The following ZBTB20 variants were observed in gnomAD, a reference collection of about 807,000 sequenced individuals.
The protein encoded by ZBTB20 is zinc finger and BTB domain containing 20.
Under a neutral mutation model 56.9 loss-of-function variants are expected in ZBTB20, and 9 were observed. That is an observed-to-expected ratio of 0.16 (90% CI 0.10 to 0.28). The LOEUF (loss-of-function observed/expected upper bound fraction) is 0.28. Ranked by LOEUF, ZBTB20 falls within the 10% of genes least tolerant of loss-of-function variation. The pLI is 1.00. For synonymous variants in ZBTB20, 417 were observed against 420.7 expected (o/e 0.99, Z 0.11); for missense variants, 655 against 1,003.0 (o/e 0.65, Z 4.69).
intron 1 of ZBTB20, among the ~76,000 whole-genome samples, chr3:115,097,614 A>T (rs530063865): frequency 2.6e-5 from 4 of 152,270 alleles, no homozygotes; most frequent in Non-Finnish European, 4.4e-5. Context: ...GCACTTCCTC[A>T]TGTGGGTGTG....
chr3:114,369,170 A>G (rs2082727138), intron 10 of ZBTB20, among the ~76,000 whole-genome samples: 1 of 152,216 alleles, frequency 6.6e-6, no homozygotes, highest in South Asian at 2.1e-4. Flanking sequence ...TTACAGTAAA[A>G]AATTGAAGGA....
chr3:115,141,165 A>C (rs2084802197), intron 1 of ZBTB20, among the ~76,000 whole-genome samples: 1 of 152,164 alleles, frequency 6.6e-6, no homozygotes, highest in Non-Finnish European at 1.5e-5. Context: ...CACTGAAAAA[A>C]ACATTGCCCT....
In ZBTB20 at chr3:114,620,494, G is replaced by A. The variant is rs1447167728; in HGVS notation, c.-295+73034C>T. Among the ~76,000 whole-genome samples, 4 of 152,098 alleles carry A rather than the reference G, an allele frequency of 2.6e-5. No individual in the cohort carries two copies. The East Asian group carries it at 7.7e-4, about 29-fold the overall frequency. On this transcript the variant is annotated intron_variant, in intron 6 of 11. Coordinates refer to ENST00000675478, the MANE Select transcript of ZBTB20 (RefSeq NM_001348800.3). The stretch of plus-strand genomic sequence containing the variant: ...TTTAGTAGAGAGGGGGTTTCTTCAT[G>A]TTTATCAGGCTGGTCTCGAACTCCT...
intron 4 of ZBTB20, among the ~76,000 whole-genome samples, chr3:114,840,107 A>G (rs1261143730): frequency 6.6e-6 from 1 of 152,248 alleles, no homozygotes; most frequent in East Asian, 1.9e-4. Context: ...ATTTAGGTTT[A>G]GACCTGGGGT....
intron 3 of ZBTB20, among the ~76,000 whole-genome samples, chr3:114,958,730 C>T (rs1272018889): frequency 1.3e-5 from 2 of 151,858 alleles, no homozygotes; most frequent in South Asian, 2.1e-4. Flanking sequence ...CACCTGTAAT[C>T]CTAGTTACTC....
chr3:114,537,318 G>A lies in ZBTB20; in HGVS notation c.-294-36927C>T, dbSNP rs1198961206. ...AAAAAAACAAACCCCATCAAAAAGT[G>A]GGTGAAGGATAAGAGCAGACACTTC... On this transcript the variant is annotated intron_variant, in intron 6 of 11. Transcript: ENST00000675478. Among the ~76,000 whole-genome samples, 3 of 152,260 alleles carry A rather than the reference G, an allele frequency of 2.0e-5. 1 individual carries two copies. Among genetic ancestry groups the A allele is most frequent in the South Asian group, 4.1e-4 (2 of 4,820 alleles).
intron 4 of ZBTB20, among the ~76,000 whole-genome samples, chr3:114,865,631 G>GA (rs1337447118): frequency 6.6e-6 from 1 of 152,084 alleles, no homozygotes; most frequent in Non-Finnish European, 1.5e-5. Flanking sequence ...AGTTTCTGAA[G>GA]AAATTTGTTG....
intron 5 of ZBTB20, among the ~76,000 whole-genome samples, chr3:114,774,746 CCTT>C (rs987058965): frequency 3.3e-5 from 5 of 152,058 alleles, no homozygotes; most frequent in Admixed American, 2.0e-4. Flanking sequence ...AACCTTCTCT[CCTT>C]CTTTAAAAAA....
At chr3:114,340,486 T>C (rs533239929) in intron 11 of ZBTB20, among the ~76,000 whole-genome samples, 1 of 152,350 alleles carries the variant, frequency 6.6e-6, no homozygotes, top group East Asian at 1.9e-4. Flanking sequence ...AGTTTACTGC[T>C]TTGGTTTGGC....
At chr3:114,466,012 G>A (rs1297521433) in intron 7 of ZBTB20, among the ~76,000 whole-genome samples, 1 of 151,684 alleles carries the variant, frequency 6.6e-6, no homozygotes, top group Non-Finnish European at 1.5e-5. Context: ...TATGTTTTAA[G>A]CATATATATA....
intron 10 of ZBTB20, among the ~76,000 whole-genome samples, chr3:114,355,629 G>C (rs980257203): frequency 1.3e-5 from 2 of 152,170 alleles, no homozygotes; most frequent in Non-Finnish European, 2.9e-5. Flanking sequence ...GCTTTTGTGA[G>C]CATGTCCTTT....
At chr3:115,117,406 C>G (rs73859716) in intron 1 of ZBTB20, among the ~76,000 whole-genome samples, 14,239 of 152,044 alleles carry the variant, frequency 0.094, 1,974 homozygotes, top group African/African-American at 0.3. Context: ...CTACATAGAA[C>G]TCACCTTTTC....
intron 1 of ZBTB20, among the ~76,000 whole-genome samples, chr3:115,085,766 A>C (rs1161444446): frequency 6.6e-6 from 1 of 151,874 alleles, no homozygotes; most frequent in East Asian, 1.9e-4. Context: ...TCTCAAGCTT[A>C]TTATATCAGG....
chr3:114,943,194 T>C (rs2076775989), intron 3 of ZBTB20, among the ~76,000 whole-genome samples: 1 of 145,454 alleles, frequency 6.9e-6, no homozygotes, highest in Non-Finnish European at 1.5e-5. Context: ...ATAACTAGAG[T>C]AGCCATCACA....
chr3:114,782,846 T>G (rs550368165), intron 5 of ZBTB20, among the ~76,000 whole-genome samples: 2 of 152,184 alleles, frequency 1.3e-5, no homozygotes, highest in South Asian at 4.1e-4. Context: ...CAGAGATAAG[T>G]TGAAAGTCCT....
chr3:114,945,096 T>C lies in ZBTB20; in HGVS notation c.-456+29270A>G, dbSNP rs1009806428. On this transcript the variant is annotated intron_variant, in intron 3 of 11. Transcript: ENST00000675478. ...TCACACTGTATCTCATAAATATATA[T>C]AATTGTCAATCAAAAGTAAAATAAA... Among the ~76,000 whole-genome samples, 3 of 145,560 alleles carry C rather than the reference T, an allele frequency of 2.1e-5. 1 individual carries two copies. The highest frequency in any genetic ancestry group is 8.4e-5 in the African/African-American group (3 of 35,882).
At chr3:114,659,122 G>A (rs997062336) in intron 6 of ZBTB20, among the ~76,000 whole-genome samples, 1 of 151,880 alleles carries the variant, frequency 6.6e-6, no homozygotes, top group East Asian at 1.9e-4. Context: ...CAGACTATTC[G>A]CTTCAAGAAC....
intron 7 of ZBTB20, among the ~76,000 whole-genome samples, chr3:114,407,702 T>A (rs1057101803): frequency 1.3e-5 from 2 of 152,198 alleles, no homozygotes; most frequent in African/African-American, 4.8e-5. Flanking sequence ...TTATTTACAT[T>A]AATTTTCAGT....
intron 6 of ZBTB20, among the ~76,000 whole-genome samples, chr3:114,580,616 T>C (rs896856724): frequency 2.0e-5 from 3 of 151,780 alleles, no homozygotes; most frequent in African/African-American, 4.8e-5. Flanking sequence ...AGTTTAGTTA[T>C]TCAAAGTAGT....
Sources: allele counts gnomAD v4.1 joint callset (sites outside exome capture counted in the v4.1 genomes callset), GRCh38; gene constraint gnomAD v4.1.1; transcripts MANE v1.5; gene names NCBI Gene and HGNC (gene_info 2026-07-23, HGNC 2026-07-21).